Variants in CHD7 observed in about 807,000 individuals in gnomAD.
The protein encoded by CHD7 is chromodomain helicase DNA binding protein 7, also known as ATP-dependent chromatin remodeler CHD7.
A neutral mutation model predicts 307.3 loss-of-function variants in CHD7; 24 were observed. The ratio of observed to expected loss-of-function variants is 0.08; its 90% confidence interval spans 0.06 to 0.11. The LOEUF (loss-of-function observed/expected upper bound fraction) is 0.11, where lower values mean the gene tolerates loss of function less well. Among genes scored for constraint, CHD7 ranks in the 10% least tolerant of loss-of-function variants. The probability of loss-of-function intolerance (pLI) is 1.00; values close to 1 mark genes in which losing one functional copy is unlikely to be tolerated. For missense variants in CHD7, 3,106 were observed against 3,727.1 expected (o/e 0.83, Z 4.34); for synonymous variants, 1,363 against 1,349.9 (o/e 1.01, Z -0.21).
At chr8:60,706,528 G>A (rs992286371) in intron 1 of CHD7, among the ~76,000 whole-genome samples, 5 of 152,076 alleles carry the variant, frequency 3.3e-5, no homozygotes, top group African/African-American at 1.2e-4. Context: ...ATATAATTAC[G>A]TATTATGAAA....
chr8:60,765,623 C>T (rs1004920023), intron 2 of CHD7, among the ~76,000 whole-genome samples: 4 of 152,138 alleles, frequency 2.6e-5, no homozygotes, highest in African/African-American at 7.2e-5. Context: ...TGGGAAAGAG[C>T]AAAGTGCCTT....
At position 60,865,361 on chromosome 8, in the gene CHD7, A is replaced by C. The variant is rs968439737; in HGVS notation, c.8422A>C (p.Asn2808His). The C allele has an allele frequency of 6.2e-7, 1 of 1,610,820 alleles. No homozygotes were observed. The highest frequency in any genetic ancestry group is 8.5e-7 in the Non-Finnish European group (1 of 1,178,814). ...GCTGCCAGGAATGGCGGGCCTGCCC[A>C]ACGTGTTTGGCTTGGGCGGGCTGTT... ...LMLPGMAGLPNVFGLGGLLNN... is the reference protein window; with the variant it reads ...LMLPGMAGLPHVFGLGGLLNN... Residue 2808 changes from asparagine (N) to histidine (H), a missense_variant, in exon 38 of 38, where the codon AAC (asparagine) becomes CAC (histidine). Around this residue, in one of 10 missense-constraint regions of CHD7, gnomAD observed 351 missense variants for 366.2 expected, o/e 0.96. Coordinates refer to ENST00000423902, the MANE Select transcript of CHD7 (RefSeq NM_017780.4). This position sits in a 1 kb window ranked among gnomAD's most constrained non-coding sequence, Gnocchi z 4.3.
At chr8:60,800,275 G>T (rs535989392) in intron 4 of CHD7, 113 bp from the exon 5 acceptor site, 32 of 954,408 alleles carry the variant, frequency 3.4e-5, no homozygotes, top group Non-Finnish European at 4.4e-5. Context: ...CTTGTGATCC[G>T]CCCGCCTCGG....
rs774809528 is a variant in CHD7 at position 60,838,107 on chromosome 8, A to G, written c.4385A>G (p.Asp1462Gly). 9.8e-6 allele frequency: 15 copies of G among 1,528,622 alleles called. No homozygotes were observed. The highest frequency in any genetic ancestry group is 1.3e-5 in the Non-Finnish European group (15 of 1,137,792). The allele number at this position is 1,528,622 out of a possible 1,614,324, so 94.7% of individuals were successfully genotyped here. A position where few individuals can be genotyped will look rare whatever the true frequency, so the allele number is the denominator to read the frequency against. Residue 1462 changes from aspartate (D) to glycine (G), a missense_variant, in exon 19 of 38, where the codon GAT becomes GGT. By Grantham distance (94) the Asp-to-Gly change is moderately conservative. Transcript: ENST00000423902. The stretch of plus-strand genomic sequence containing the variant: ...CAGCTTTCCAAGAAAGAAATAGAGG[A>G]TCTTCTACGAAAAGGGGCCTATGGT... ...VQQLSKKEIE[D>G]LLRKGAYGAL...
chr8:60,734,113 T>G (rs1242637239), intron 1 of CHD7, among the ~76,000 whole-genome samples: 1 of 152,224 alleles, frequency 6.6e-6, no homozygotes, highest in Non-Finnish European at 1.5e-5. Context: ...TGACATATCT[T>G]TGTATTGCTT....
chr8:60,836,350 TC>T, intron 16 of CHD7, 67 bp downstream of exon 16: 1 of 1,353,144 alleles, frequency 7.4e-7, no homozygotes, highest in Non-Finnish European at 1.0e-6. Context: ...GTCCAAGCAG[TC>T]CACCTAAAAG....
At chr8:60,722,644 G>A (rs1467686053) in intron 1 of CHD7, among the ~76,000 whole-genome samples, 6 of 152,100 alleles carry the variant, frequency 3.9e-5, no homozygotes, top group Non-Finnish European at 8.8e-5. Context: ...TATAAATAGC[G>A]TAACTTTTGT....
chr8:60,802,345 A>G (rs1371722240), intron 6 of CHD7, among the ~76,000 whole-genome samples: 1 of 152,230 alleles, frequency 6.6e-6, no homozygotes, highest in Non-Finnish European at 1.5e-5. Context: ...TTGAATAATT[A>G]CATAAACCTG....
intron 19 of CHD7, among the ~76,000 whole-genome samples, chr8:60,841,003 C>A (rs1804947050): frequency 4.6e-5 from 7 of 152,222 alleles, no homozygotes; most frequent in Admixed American, 4.6e-4. Flanking sequence ...CTGCTGTGTT[C>A]TGACCTCCAT....
rs141947938 is a variant in CHD7, at chr8:60,795,119, G to A, written c.2230G>A (p.Gly744Ser). The A allele has an allele frequency of 7.6e-4, 1,223 of 1,612,560 alleles. 5 individuals are homozygous for A. The African/African-American group carries it at 0.014, about 19-fold the overall frequency. ...TCCTCCTGAAGAAGATGAGGACCCA[G>A]GTGTTCAGGTAATACAATTATTGTG... ...SPPPEEDEDPGVQKRRSSRQV... is the reference protein window; with the variant it reads ...SPPPEEDEDPSVQKRRSSRQV... The change falls in exon 4 of 38, where the codon GGT (glycine) becomes AGT (serine). Residue 744 changes from glycine to serine, a missense_variant. By Grantham distance (56) the Gly-to-Ser change is moderately conservative. This residue lies in a region of CHD7 where 998 missense variants were observed against 1,004.5 expected (regional missense o/e 0.99). Coordinates refer to ENST00000423902, the MANE Select transcript of CHD7 (RefSeq NM_017780.4).
At chr8:60,804,862 C>A (rs112484741) in intron 6 of CHD7, among the ~76,000 whole-genome samples, 4 of 152,226 alleles carry the variant, frequency 2.6e-5, no homozygotes, top group African/African-American at 9.6e-5. Flanking sequence ...ACAAGTATGG[C>A]TTAATATGTT....
chr8:60,853,638 T>G (rs1805578951), intron 31 of CHD7, 138 bp downstream of exon 31: 1 of 655,234 alleles, frequency 1.5e-6, no homozygotes, highest in African/African-American at 1.8e-5. Flanking sequence ...TAATTTCAAG[T>G]TATGCTTATA....
chr8:60,784,627 C>T (rs1378477740), intron 3 of CHD7, among the ~76,000 whole-genome samples: 1 of 152,206 alleles, frequency 6.6e-6, no homozygotes, highest in Non-Finnish European at 1.5e-5. Flanking sequence ...CCTTGTGTGT[C>T]TCCTCACTGT....
intron 1 of CHD7, among the ~76,000 whole-genome samples, chr8:60,735,126 A>G (rs961178386): frequency 2.6e-5 from 4 of 152,200 alleles, no homozygotes; most frequent in Admixed American, 6.5e-5. Context: ...GCACGAGGAC[A>G]GGGCCACATC....
In CHD7 at chr8:60,841,965, G is replaced by A; in HGVS notation, c.4763G>A (p.Cys1588Tyr). ...DLESDSEEKP[C>Y]AKPRRPQDKS... Reference sequence around the variant, plus strand: ...GAAAGTGATTCTGAAGAAAAGCCCTGTGCAAAGCCACGGCGTCCCCAGGAT... The same window carrying A: ...GAAAGTGATTCTGAAGAAAAGCCCTATGCAAAGCCACGGCGTCCCCAGGAT... The change falls in exon 21 of 38, where the codon TGT becomes TAT. Residue 1588 changes from cysteine to tyrosine, a missense_variant. Cys to Tyr is a radical substitution (Grantham distance 194). Transcript: ENST00000423902. 6.2e-7 allele frequency: 1 copy of A among 1,613,486 alleles called. No individual in the cohort carries two copies. The highest frequency in any genetic ancestry group is 8.5e-7 in the Non-Finnish European group (1 of 1,179,694).
intron 8 of CHD7, 59 bp downstream of exon 8, chr8:60,816,560 A>C: frequency 9.7e-7 from 1 of 1,026,206 alleles, no homozygotes. Context: ...TTCTAAATTT[A>C]AAATTTTAGT....
chr8:60,693,337 G>C (rs1221770040), intron 1 of CHD7, among the ~76,000 whole-genome samples: 1 of 152,200 alleles, frequency 6.6e-6, no homozygotes. Flanking sequence ...ACAAGTCCCT[G>C]TCTGTCTGCT....
At chr8:60,713,123 T>G (rs932032670) in intron 1 of CHD7, among the ~76,000 whole-genome samples, 2 of 151,288 alleles carry the variant, frequency 1.3e-5, no homozygotes, top group African/African-American at 4.8e-5. Context: ...TTGTTTTTTG[T>G]TGTTGTTGGG....
At chr8:60,864,909 C>A in intron 37 of CHD7, 107 bp from the exon 38 acceptor site, 1 of 1,073,412 alleles carries the variant, frequency 9.3e-7, no homozygotes. Context: ...GGAAGAACTA[C>A]TTAGGTATTT....
Sources: allele counts gnomAD v4.1 joint callset (sites outside exome capture counted in the v4.1 genomes callset), GRCh38; gene constraint gnomAD v4.1.1; regional missense constraint gnomAD v4.1.1; non-coding constraint Gnocchi (gnomAD v3.1); transcripts MANE v1.5; gene names NCBI Gene and HGNC (gene_info 2026-07-23, HGNC 2026-07-21).